The following DOCK4 variants were observed in gnomAD, a reference collection of about 807,000 sequenced individuals.
The protein encoded by DOCK4 is dedicator of cytokinesis 4, also known as dedicator of cytokinesis protein 4.
A neutral mutation model predicts 268.1 loss-of-function variants in DOCK4; 97 were observed. The ratio of observed to expected loss-of-function variants is 0.36; its 90% CI spans 0.31 to 0.43. The LOEUF is 0.43. Ranked by LOEUF, DOCK4 falls within the 20% of genes least tolerant of loss-of-function variation. The probability of loss-of-function intolerance (pLI) is 1.00; values close to 1 mark genes in which losing one functional copy is unlikely to be tolerated. For missense variants in DOCK4, 2,145 were observed against 2,455.7 expected (o/e 0.87, Z 2.67); for synonymous variants, 954 against 887.2 (o/e 1.08, Z -1.34).
chr7:112,022,177 G>A (rs1331496366), intron 1 of DOCK4, among the ~76,000 whole-genome samples: 4 of 152,080 alleles, frequency 2.6e-5, no homozygotes, highest in Admixed American at 6.6e-5. Context: ...TGTGTTTAGC[G>A]CGGTATAATC....
intron 1 of DOCK4, among the ~76,000 whole-genome samples, chr7:112,190,010 G>C (rs1369480844): frequency 6.6e-6 from 1 of 152,006 alleles, no homozygotes; most frequent in East Asian, 1.9e-4. Context: ...ACAAACACTT[G>C]TTTTCCTCTG....
chr7:111,742,079 A>T lies in DOCK4; in HGVS notation c.4731T>A (p.Asp1577Glu), dbSNP rs772382747. 3.7e-6 allele frequency: 6 copies of T among 1,607,452 alleles called. No individual in the cohort carries two copies. The part of the protein sequence containing the change: ...LAVHEKFVPQ[D>E]MRPLHKKLVD... ...CCAGCTTTTTGTGAAGGGGTCTCAT[A>T]TCTTGAGGTACAAACTTCTCATGCA... is the stretch of plus-strand genomic sequence containing the variant. Residue 1577 changes from aspartate (D) to glutamate (E), a missense_variant, in exon 45 of 53, where the codon GAT (aspartate) becomes GAA (glutamate). Coordinates refer to ENST00000428084, the MANE Select transcript of DOCK4 (RefSeq NM_001363540.2).
chr7:112,140,551 T>C (rs529715598), intron 1 of DOCK4, among the ~76,000 whole-genome samples: 178 of 147,818 alleles, frequency 1.2e-3, no homozygotes, highest in African/African-American at 4.2e-3. Flanking sequence ...ATTCTCAAAA[T>C]ACATACAGAA....
At chr7:111,801,962 A>G (rs887951642) in intron 30 of DOCK4, among the ~76,000 whole-genome samples, 1 of 151,718 alleles carries the variant, frequency 6.6e-6, no homozygotes, top group Non-Finnish European at 1.5e-5. Flanking sequence ...TGGCCTCCCA[A>G]AGTGCTGGGA....
chr7:112,114,063 GT>G (rs1811911184), intron 1 of DOCK4, among the ~76,000 whole-genome samples: 2 of 152,028 alleles, frequency 1.3e-5, no homozygotes, highest in African/African-American at 2.4e-5. Flanking sequence ...AGAAGCTATG[GT>G]TTTTGGCTTT....
chr7:111,902,103 T>C (rs530713878), intron 13 of DOCK4, among the ~76,000 whole-genome samples: 2 of 152,268 alleles, frequency 1.3e-5, no homozygotes, highest in South Asian at 4.1e-4. Context: ...CCTCATTTTA[T>C]TTATGAGGTG....
intron 26 of DOCK4, among the ~76,000 whole-genome samples, chr7:111,823,270 G>A (rs961643469): frequency 6.9e-6 from 1 of 144,510 alleles, no homozygotes; most frequent in Non-Finnish European, 1.5e-5. Context: ...GCAGTGGCGT[G>A]ATCTCGGCTC....
At position 111,769,050 on chromosome 7, in the gene DOCK4, C is replaced by G. The variant is rs1797948232; in HGVS notation, c.3828+479G>C. 2.6e-5 allele frequency among the ~76,000 whole-genome samples: 4 copies of G among 152,162 alleles called. No individual in the cohort carries two copies. The South Asian group carries it at 8.3e-4, about 32-fold the overall frequency. On this transcript the variant is annotated intron_variant, in intron 37 of 52. Transcript: ENST00000428084. ...ACCATGTGAAGATACAGCAAGATGG[C>G]CCTCACCAGACACTGTATCTGCCAG... is the stretch of plus-strand genomic sequence containing the variant.
In DOCK4 at chr7:111,945,758, T is replaced by G. The variant is rs1795568934; in HGVS notation, c.742A>C (p.Lys248Gln). 4 of 1,598,724 alleles carry G rather than the reference T, an allele frequency of 2.5e-6. No individual in the cohort carries two copies. The Admixed American group carries it at 5.2e-5, about 21-fold the overall frequency. ...FLRLNRNGLP[K>Q]APDKPERHCS... ...TGTCGTTCCGGTTTATCAGGGGCTT[T>G]GGGAAGCCCGTTTCTATTCAGCCTC... The change falls in exon 9 of 53, where the codon AAA becomes CAA. Residue 248 changes from lysine (K) to glutamine (Q), a missense_variant. Physicochemically the swap from Lys to Gln is moderately conservative, Grantham distance 53. This residue lies in a region of DOCK4 where 1,598 missense variants were observed against 1,986.7 expected (regional missense o/e 0.80). Transcript: ENST00000428084.
chr7:111,790,470 C>A lies in DOCK4; in HGVS notation c.3302G>T (p.Gly1101Val). 6.2e-7 allele frequency: 1 copy of A among 1,613,688 alleles called. No individual in the cohort carries two copies. Among genetic ancestry groups the A allele is most frequent in the Non-Finnish European group, 8.5e-7 (1 of 1,179,790 alleles). ...DMMDWEQRRS[G>V]NFKQVEAKLI... ...ACTTCTGCCTACCTGTTTAAAGTTG[C>A]CACTCCGCCTCTGCTCCCAGTCCAT... Residue 1101 changes from glycine to valine, a missense_variant, in exon 31 of 53, where the codon GGC becomes GTC. Gly to Val is a moderately radical substitution (Grantham distance 109, BLOSUM62 -3). This residue lies in a region of DOCK4 where 1,598 missense variants were observed against 1,986.7 expected (regional missense o/e 0.80). Coordinates refer to ENST00000428084, the MANE Select transcript of DOCK4 (RefSeq NM_001363540.2).
intron 1 of DOCK4, among the ~76,000 whole-genome samples, chr7:112,163,091 A>T (rs568508903): frequency 6.6e-6 from 1 of 152,344 alleles, no homozygotes; most frequent in East Asian, 1.9e-4. Flanking sequence ...TTAATCATTT[A>T]CCAAAAAGGA....
At chr7:111,805,620 T>G (rs1434551116) in intron 30 of DOCK4, among the ~76,000 whole-genome samples, 1 of 152,166 alleles carries the variant, frequency 6.6e-6, no homozygotes, top group East Asian at 1.9e-4. Context: ...CAGCTTTAAG[T>G]TTAAAAGCAG....
chr7:111,791,070 T>TTATATATATATATATATATATATATA (rs35033313), intron 30 of DOCK4, among the ~76,000 whole-genome samples: 3 of 95,438 alleles, frequency 3.1e-5, no homozygotes, highest in African/African-American at 1.8e-4. Context: ...AAAAAAAAAA[T>TTATATATATATATATATATATATATA]TATATATATA....
chr7:112,167,751 A>C (rs1200949942), intron 1 of DOCK4, among the ~76,000 whole-genome samples: 1 of 152,188 alleles, frequency 6.6e-6, no homozygotes, highest in Non-Finnish European at 1.5e-5. Flanking sequence ...TAATCAGTAC[A>C]TGCCTTGATT....
intron 1 of DOCK4, among the ~76,000 whole-genome samples, chr7:112,138,332 A>G (rs996529225): frequency 1.8e-4 from 28 of 152,164 alleles, no homozygotes; most frequent in Non-Finnish European, 3.8e-4. Flanking sequence ...ATTTTGTTGG[A>G]AAATGGACAC....
intron 49 of DOCK4, among the ~76,000 whole-genome samples, chr7:111,737,532 T>C (rs1280260575): frequency 6.6e-6 from 1 of 151,910 alleles, no homozygotes; most frequent in African/African-American, 2.4e-5. Context: ...TGAGTGAAAT[T>C]TAACCCCTGC....
chr7:112,071,802 A>G (rs1306174216), intron 1 of DOCK4, among the ~76,000 whole-genome samples: 1 of 152,238 alleles, frequency 6.6e-6, no homozygotes, highest in Non-Finnish European at 1.5e-5. Flanking sequence ...ATGTACCAAC[A>G]GCAATATGTA....
intron 16 of DOCK4, among the ~76,000 whole-genome samples, chr7:111,878,940 C>A (rs549239854): frequency 0.012 from 1,873 of 152,048 alleles, 37 homozygotes; most frequent in African/African-American, 0.04. Flanking sequence ...CTAGGCTGGG[C>A]TTAGAGTCCA....
chr7:111,741,670 G>A lies in DOCK4; in HGVS notation c.4798-9C>T. The A allele has an allele frequency of 6.2e-7, 1 of 1,611,226 alleles. No homozygotes were observed. The highest frequency in any genetic ancestry group is 8.5e-7 in the Non-Finnish European group (1 of 1,179,044). On this transcript the variant is annotated splice_polypyrimidine_tract_variant and intron_variant, in intron 45 of 52. Transcript: ENST00000428084. ...ATACAAGCAGAGAACTCCTAAAGAT[G>A]TAGTAAAGGAAATATCTCATTACAG...
Sources: gnomAD v4.1 joint callset for allele counts (sites outside exome capture counted in the v4.1 genomes callset) on GRCh38, gnomAD v4.1.1 for gene constraint, gnomAD v4.1.1 regional missense constraint, MANE v1.5 for transcripts, NCBI Gene and HGNC (gene_info 2026-07-23, HGNC 2026-07-21) for gene names.